The following ANO5 variants were observed in gnomAD, a reference collection of about 807,000 sequenced individuals.
The protein encoded by ANO5 is anoctamin 5.
In ANO5, 109 loss-of-function variants were observed where a neutral mutation model predicts 121.0. That is an observed-to-expected ratio of 0.90 (90% CI 0.77 to 1.06). The LOEUF is 1.06. Among genes scored for constraint, ANO5 ranks in the 50% least tolerant of loss-of-function variants. The probability of loss-of-function intolerance (pLI) is 0.00; values close to 1 mark genes in which losing one functional copy is unlikely to be tolerated. For synonymous variants in ANO5, 406 were observed against 359.9 expected (o/e 1.13, Z -1.45); for missense variants, 1,064 against 1,078.5 (o/e 0.99, Z 0.19).
chr11:22,261,140 G>A (rs1326764610), intron 15 of ANO5: 2 of 152,170 alleles, frequency 1.3e-5, no homozygotes, highest in Admixed American at 6.5e-5. Flanking sequence ...ATGAGCATAA[G>A]TTTCTTCAGT....
Position 22,282,600 on chromosome 11 carries a change from A to C in ANO5, c.*2835A>C, listed in dbSNP as rs191394484. 1 of 152,270 alleles carries C rather than the reference A, an allele frequency of 6.6e-6. No individual in the cohort carries two copies. The highest frequency in any genetic ancestry group is 2.4e-5 in the African/African-American group (1 of 41,570). The allele number at this position is 152,270 out of a possible 1,614,324, so 9.4% of individuals were successfully genotyped here. On this transcript the variant is annotated 3_prime_UTR_variant, in exon 22 of 22. Transcript: ENST00000324559. ...TTCTTTGGAAGAAAGAGCTGTTCCG[A>C]GGAAGTTTGGTCCAGCTGTGGTTGA...
rs1165752668 is a variant in ANO5, at chr11:22,280,579, T to C, written c.*814T>C. 1 of 151,978 alleles carries C rather than the reference T, an allele frequency of 6.6e-6. No homozygotes were observed. Among genetic ancestry groups the C allele is most frequent in the Non-Finnish European group, 1.5e-5 (1 of 67,874 alleles). The allele number at this position is 151,978 out of a possible 1,614,324, so 9.4% of individuals were successfully genotyped here. Reference sequence around the variant, plus strand: ...AGTAGTTAATGGATGCAGGACAATGTATATTGATTAATTTGTTGATTTTAA... The same window carrying C: ...AGTAGTTAATGGATGCAGGACAATGCATATTGATTAATTTGTTGATTTTAA... On this transcript the variant is annotated 3_prime_UTR_variant, in exon 22 of 22. Transcript: ENST00000324559.
intron 17 of ANO5, among the ~76,000 whole-genome samples, chr11:22,269,237 G>A (rs1474089038): frequency 5.4e-5 from 6 of 110,612 alleles, no homozygotes; most frequent in Non-Finnish European, 9.0e-5. Flanking sequence ...AGGAAGGAAG[G>A]AAGGAGAAAA....
chr11:22,192,960 G>A (rs545072128), upstream of ANO5: 1 of 984,714 alleles, frequency 1.0e-6, no homozygotes, highest in East Asian at 1.1e-4. Flanking sequence ...GCCGGGCCGG[G>A]GGGCGGGGAG....
intron 17 of ANO5, among the ~76,000 whole-genome samples, chr11:22,267,829 C>T (rs1370151966): frequency 1.3e-5 from 2 of 152,222 alleles, no homozygotes; most frequent in Middle Eastern, 3.4e-3. Flanking sequence ...TGTTTGTTTT[C>T]ATCATTTAGC....
At chr11:22,266,202 A>T (rs148966731) in intron 17 of ANO5, among the ~76,000 whole-genome samples, 5 of 152,316 alleles carry the variant, frequency 3.3e-5, no homozygotes, top group Admixed American at 6.5e-5. Context: ...TGAAGAATTT[A>T]TAAATGGAAT....
chr11:22,267,047 T>G (rs960207328), intron 17 of ANO5, among the ~76,000 whole-genome samples: 5 of 152,196 alleles, frequency 3.3e-5, no homozygotes, highest in Non-Finnish European at 7.3e-5. Context: ...AAAGAATTGT[T>G]TAAGAAATAT....
intron 13 of ANO5, among the ~76,000 whole-genome samples, chr11:22,256,563 T>C (rs1854005592): frequency 6.6e-6 from 1 of 152,062 alleles, no homozygotes. Flanking sequence ...TTTCACGAAA[T>C]AAAAAAGTAA....
intron 9 of ANO5, among the ~76,000 whole-genome samples, chr11:22,247,523 A>G: frequency 6.6e-6 from 1 of 152,160 alleles, no homozygotes; most frequent in East Asian, 1.9e-4. Flanking sequence ...GAATTAGAAA[A>G]AATATTTTTA....
rs2133778741 is a variant in ANO5 at position 22,270,398 on chromosome 11, A to G, written c.1985A>G (p.Glu662Gly). 1.9e-6 allele frequency: 3 copies of G among 1,614,154 alleles called. No individual in the cohort carries two copies. The highest frequency in any genetic ancestry group is 1.1e-5 in the South Asian group (1 of 91,080). The change falls in exon 18 of 22, where the codon GAA (glutamate) becomes GGA (glycine). Residue 662 changes from glutamate (E) to glycine (G), a missense_variant. By Grantham distance (98) the Glu-to-Gly change is moderately conservative (BLOSUM62 -2). Transcript: ENST00000324559. Reference sequence around the variant, plus strand: ...CGATGGGAGCAGGATCATGACCTTGAAAGTTTTGGACCCCTTGGGCTTTTC... The same window carrying G: ...CGATGGGAGCAGGATCATGACCTTGGAAGTTTTGGACCCCTTGGGCTTTTC... ...YSRWEQDHDLESFGPLGLFYE... is the reference protein window; with the variant it reads ...YSRWEQDHDLGSFGPLGLFYE...
intron 3 of ANO5, 97 bp downstream of exon 3, chr11:22,211,411 T>G (rs1208568073): frequency 3.0e-6 from 4 of 1,342,358 alleles, no homozygotes; most frequent in Middle Eastern, 3.6e-4. Flanking sequence ...TTCAGTTATT[T>G]GACATGCTCT....
In ANO5 at chr11:22,279,852, A is replaced by G; in HGVS notation, c.*87A>G. 1 of 1,127,352 alleles carries G rather than the reference A, an allele frequency of 8.9e-7. No individual in the cohort carries two copies. Among genetic ancestry groups the G allele is most frequent in the Non-Finnish European group, 1.2e-6 (1 of 800,502 alleles). The allele number at this position is 1,127,352 out of a possible 1,614,324, so 69.8% of individuals were successfully genotyped here. ...GCCAGACGCCAGAAGCCATGTGTCA[A>G]TTTTACCCTTTCTTTTTTTTTTTTT... On this transcript the variant is annotated 3_prime_UTR_variant, in exon 22 of 22. Transcript: ENST00000324559.
chr11:22,281,279 G>A lies in ANO5; in HGVS notation c.*1514G>A, dbSNP rs556807185. 6.6e-6 allele frequency: 1 copy of A among 151,922 alleles called. No individual in the cohort carries two copies. Among genetic ancestry groups the A allele is most frequent in the Non-Finnish European group, 1.5e-5 (1 of 67,896 alleles). The allele number at this position is 151,922 out of a possible 1,614,324, so 9.4% of individuals were successfully genotyped here. A position where few individuals can be genotyped will look rare whatever the true frequency, so the allele number is the denominator to read the frequency against. ...CATTATCTAATGCTAATAAATTATT[G>A]TGGTACTGCCAGTATTAAATATATG... On this transcript the variant is annotated 3_prime_UTR_variant, in exon 22 of 22. Transcript: ENST00000324559.
At position 22,282,863 on chromosome 11, in the gene ANO5, C is replaced by T. The variant is rs2133821247; in HGVS notation, c.*3098C>T. On this transcript the variant is annotated 3_prime_UTR_variant, in exon 22 of 22. Transcript: ENST00000324559. ...TTTTGAAAGAAACTCTCTCATATTT[C>T]CTTTAAATTGTTAATAGTTGTTATG... is the stretch of plus-strand genomic sequence containing the variant. 6.6e-6 allele frequency: 1 copy of T among 152,130 alleles called. No individual in the cohort carries two copies. The highest frequency in any genetic ancestry group is 2.4e-5 in the African/African-American group (1 of 41,512). The allele number at this position is 152,130 out of a possible 1,614,324, so 9.4% of individuals were successfully genotyped here.
intron 17 of ANO5, among the ~76,000 whole-genome samples, chr11:22,265,520 A>G (rs981518110): frequency 6.6e-6 from 1 of 152,146 alleles, no homozygotes; most frequent in African/African-American, 2.4e-5. Flanking sequence ...TTAGCACAGA[A>G]TTTGTTAGCT....
intron 4 of ANO5, among the ~76,000 whole-genome samples, chr11:22,218,988 C>T (rs542821672): frequency 2.5e-4 from 38 of 152,172 alleles, no homozygotes; most frequent in Non-Finnish European, 3.7e-4. Flanking sequence ...AATGCACACA[C>T]ATGCTACAAA....
At chr11:22,269,464 G>A (rs958225035) in intron 17 of ANO5, among the ~76,000 whole-genome samples, 1 of 108,340 alleles carries the variant, frequency 9.2e-6, no homozygotes, top group African/African-American at 3.8e-5. Context: ...AAGGAAGGAA[G>A]GAGAAAAAAG....
At chr11:22,267,699 ATTATT>A (rs946383769) in intron 17 of ANO5, among the ~76,000 whole-genome samples, 3 of 151,766 alleles carry the variant, frequency 2.0e-5, no homozygotes, top group African/African-American at 7.3e-5. Context: ...TGTTGTATAG[ATTATT>A]TTATCATCCA....
In ANO5 at chr11:22,193,531, A is replaced by G. The variant is rs774709754; in HGVS notation, c.39A>G (p.Glu13=). ...ATCTCCTGGAAGTGTTGGCGGAGGA[A>G]GGTAGGACCGCGCCAAGAGGCGTCA... ...DPDLLEVLAE[E]GEKVNKHIDY... The change falls in exon 1 of 22, where the codon GAA becomes GAG. Residue 13 remains glutamate (E), a splice_region_variant and synonymous_variant. Coordinates refer to ENST00000324559, the MANE Select transcript of ANO5 (RefSeq NM_213599.3). The G allele has an allele frequency of 6.2e-7, 1 of 1,612,824 alleles. No individual in the cohort carries two copies. The highest frequency in any genetic ancestry group is 2.2e-5 in the East Asian group (1 of 44,832).
Sources: gnomAD v4.1 joint callset for allele counts (sites outside exome capture counted in the v4.1 genomes callset) on GRCh38, gnomAD v4.1.1 for gene constraint, MANE v1.5 for transcripts, NCBI Gene and HGNC (gene_info 2026-07-23, HGNC 2026-07-21) for gene names.